Variants in TUSC3 observed in about 807,000 individuals in gnomAD.
TUSC3 encodes the protein dolichyl-diphosphooligosaccharide--protein glycosyltransferase subunit TUSC3.
In TUSC3, 45 loss-of-function variants were observed where a neutral mutation model predicts 44.8. The observed-to-expected ratio is 1.00, with a 90% CI of 0.79 to 1.29. The LOEUF is 1.29. TUSC3 is among the 50% of genes most tolerant of loss of function. TUSC3 has a pLI of 0.00. For missense variants in TUSC3, 519 were observed against 437.9 expected, an observed-to-expected ratio of 1.19 and a Z score of -1.65; for synonymous variants, 212 against 152.9, an observed-to-expected ratio of 1.39 and a Z score of -2.85.
chr8:15,624,445 A>G (rs542205527), intron 2 of TUSC3, among the ~76,000 whole-genome samples: 2 of 152,298 alleles, frequency 1.3e-5, no homozygotes, highest in South Asian at 4.1e-4. Flanking sequence ...CAGTGTGTTT[A>G]GTTGCTGCTT....
chr8:15,820,936 G>A, the TUSC3 span, among the ~76,000 whole-genome samples: 440 of 152,144 alleles, frequency 2.9e-3, 12 homozygotes, highest in East Asian at 0.077. Flanking sequence ...AATATAAAGA[G>A]GTAAAAATTG....
the TUSC3 span, among the ~76,000 whole-genome samples, chr8:15,838,316 T>C: frequency 6.6e-6 from 1 of 152,200 alleles, no homozygotes; most frequent in East Asian, 1.9e-4. Flanking sequence ...CCCATACCAG[T>C]GCTTGGAAAC....
At chr8:15,676,387 A>G (rs182804225) in intron 6 of TUSC3, among the ~76,000 whole-genome samples, 1 of 152,250 alleles carries the variant, frequency 6.6e-6, no homozygotes, top group East Asian at 1.9e-4. Flanking sequence ...TGTCAGGTAC[A>G]TAGTTTGTAA....
At chr8:15,586,697 T>C (rs1430928249) in intron 1 of TUSC3, among the ~76,000 whole-genome samples, 5 of 152,170 alleles carry the variant, frequency 3.3e-5, no homozygotes, top group Non-Finnish European at 7.3e-5. Context: ...AACTGAATGC[T>C]ATTGAAATAG....
chr8:15,482,357 C>T (rs1256964077), intron 1 of TUSC3, among the ~76,000 whole-genome samples: 2 of 152,166 alleles, frequency 1.3e-5, no homozygotes, highest in African/African-American at 2.4e-5. Flanking sequence ...ACAAAGTTCT[C>T]GTGGCAGAGA....
At chr8:15,654,213 C>A (rs939250088) in intron 3 of TUSC3, among the ~76,000 whole-genome samples, 10 of 152,112 alleles carry the variant, frequency 6.6e-5, no homozygotes, top group African/African-American at 2.4e-4. Context: ...TGGGGACTTT[C>A]AGCTTTATAA....
intron 7 of TUSC3, 33 bp downstream of exon 7, chr8:15,730,762 G>A (rs751845633): frequency 2.5e-6 from 4 of 1,598,490 alleles, no homozygotes; most frequent in Non-Finnish European, 2.6e-6. Context: ...AATTGAAAAG[G>A]GCAAACTAAA....
At chr8:15,749,888 T>G (rs73530238) in intron 9 of TUSC3, among the ~76,000 whole-genome samples, 4,694 of 145,128 alleles carry the variant, frequency 0.032, 87 homozygotes, top group East Asian at 0.049. Flanking sequence ...CACTTGAAAA[T>G]TAATCCATTT....
chr8:15,685,955 T>C (rs1001671956), intron 6 of TUSC3, among the ~76,000 whole-genome samples: 4 of 151,712 alleles, frequency 2.6e-5, no homozygotes, highest in African/African-American at 9.7e-5. Flanking sequence ...CCTGAAGATA[T>C]TGACAAAGTG....
chr8:15,582,377 T>G (rs185571806), intron 1 of TUSC3, among the ~76,000 whole-genome samples: 7 of 152,356 alleles, frequency 4.6e-5, no homozygotes, highest in Admixed American at 6.5e-5. Flanking sequence ...GGATGAGACT[T>G]AAACCAATCT....
chr8:15,688,484 A>G (rs1245144616), intron 6 of TUSC3, among the ~76,000 whole-genome samples: 1 of 135,106 alleles, frequency 7.4e-6, no homozygotes, highest in Non-Finnish European at 1.5e-5. Flanking sequence ...CAGATCTGTT[A>G]TATAGTTAAA....
chr8:15,759,945 T>A (rs1215685167), intron 10 of TUSC3, among the ~76,000 whole-genome samples: 1 of 152,136 alleles, frequency 6.6e-6, no homozygotes, highest in Admixed American at 6.6e-5. Context: ...CTCATCCTTC[T>A]TTATGTTATT....
chr8:15,680,037 T>G (rs1411852428), intron 6 of TUSC3, among the ~76,000 whole-genome samples: 2 of 152,140 alleles, frequency 1.3e-5, no homozygotes, highest in African/African-American at 4.8e-5. Context: ...CTTTGTTATT[T>G]TTGCTTAGGA....
chr8:15,517,254 TGTGTA>T (rs747427859), intron 2 of TUSC3, among the ~76,000 whole-genome samples: 1 of 152,090 alleles, frequency 6.6e-6, no homozygotes, highest in Non-Finnish European at 1.5e-5. Context: ...ATAATTGATT[TGTGTA>T]GTGTTGTAAA....
At chr8:15,648,623 G>T (rs1806736514) in intron 2 of TUSC3, among the ~76,000 whole-genome samples, 1 of 150,538 alleles carries the variant, frequency 6.6e-6, no homozygotes, top group Admixed American at 6.6e-5. Flanking sequence ...CTACTCGGGA[G>T]GCTGAGGCAG....
intron 7 of TUSC3, among the ~76,000 whole-genome samples, chr8:15,735,110 G>T (rs537538030): frequency 7.2e-5 from 11 of 152,218 alleles, no homozygotes; most frequent in African/African-American, 2.6e-4. Context: ...CCTGTTTAGG[G>T]AACAGAAAGC....
At chr8:15,543,395 C>A (rs1014857888) in intron 1 of TUSC3, among the ~76,000 whole-genome samples, 7 of 152,108 alleles carry the variant, frequency 4.6e-5, no homozygotes, top group Admixed American at 3.3e-4. Flanking sequence ...GTAGTTATGA[C>A]AGTAATACCA....
intron 1 of TUSC3, among the ~76,000 whole-genome samples, chr8:15,452,783 T>C (rs1391958698): frequency 1.3e-5 from 2 of 152,214 alleles, no homozygotes; most frequent in African/African-American, 4.8e-5. Flanking sequence ...TGTAGCACTC[T>C]GCAGCCCAAG....
At chr8:15,542,072 A>C (rs931215491) in intron 1 of TUSC3, among the ~76,000 whole-genome samples, 4 of 151,578 alleles carry the variant, frequency 2.6e-5, no homozygotes, top group African/African-American at 9.7e-5. Context: ...GCAGGTGCCC[A>C]AGGTGGTCAG....
Sources: gnomAD v4.1 joint callset for allele counts (sites outside exome capture counted in the v4.1 genomes callset) on GRCh38, gnomAD v4.1.1 for gene constraint, MANE v1.5 for transcripts, NCBI Gene and HGNC (gene_info 2026-07-23, HGNC 2026-07-21) for gene names.